Variants in PCDHGA1 observed in about 807,000 individuals in gnomAD.
PCDHGA1 encodes protocadherin gamma-A1.
A neutral mutation model predicts 58.0 loss-of-function variants in PCDHGA1; 32 were observed. That is an observed-to-expected ratio of 0.55 (90% confidence interval 0.42 to 0.74). The LOEUF (loss-of-function observed/expected upper bound fraction) is 0.74, where lower values mean the gene tolerates loss of function less well. Among genes scored for constraint, PCDHGA1 ranks in the 30% least tolerant of loss-of-function variants. PCDHGA1 has a pLI of 0.00. For synonymous variants in PCDHGA1, 498 were observed against 501.1 expected (o/e 0.99, Z 0.08); for missense variants, 1,205 against 1,182.3 (o/e 1.02, Z -0.28).
chr5:141,414,227 T>C (rs771676386), intron 1 of PCDHGA1: 2 of 1,613,430 alleles, frequency 1.2e-6, no homozygotes, highest in Non-Finnish European at 1.7e-6. Flanking sequence ...AGTCCAGAGC[T>C]GACCATCACG....
At position 141,486,720 on chromosome 5, in the gene PCDHGA1, C is replaced by G; in HGVS notation, c.2422-8087C>G. ...ATCTCTCTGAACCCCCAGACAGGAG[C>G]TGTTCATGCTACTCGATCCTTTGAC... On this transcript the variant is annotated intron_variant, in intron 1 of 3. Coordinates refer to ENST00000517417, the MANE Select transcript of PCDHGA1 (RefSeq NM_018912.3). This position sits in a 1 kb window ranked among gnomAD's most constrained non-coding sequence, Gnocchi z 5.0. The G allele has an allele frequency of 6.2e-7, 1 of 1,614,216 alleles. No homozygotes were observed. Among genetic ancestry groups the G allele is most frequent in the Non-Finnish European group, 8.5e-7 (1 of 1,180,038 alleles).
chr5:141,417,995 G>A (rs779307855), intron 1 of PCDHGA1: 74 of 1,613,786 alleles, frequency 4.6e-5, no homozygotes, highest in Admixed American at 1.7e-4. Flanking sequence ...CAAGGGCTCG[G>A]TGGTGGGGAA....
chr5:141,447,979 G>A (rs888759756), intron 1 of PCDHGA1, among the ~76,000 whole-genome samples: 15 of 151,814 alleles, frequency 9.9e-5, no homozygotes, highest in Admixed American at 5.9e-4. Context: ...CCAGCTACTC[G>A]GGAGGCTGAG....
In PCDHGA1 at chr5:141,365,348, G is replaced by A. The variant is rs770428432; in HGVS notation, c.2421+32243G>A. ...TAAGGTGGTGGTCACAGTACAGGAC[G>A]TGAATGACAATGCCCCCGAAGTGAT... On this transcript the variant is annotated intron_variant, in intron 1 of 3. Transcript: ENST00000517417. 4 of 1,613,954 alleles carry A rather than the reference G, an allele frequency of 2.5e-6. No homozygotes were observed. Among genetic ancestry groups the A allele is most frequent in the African/African-American group, 1.3e-5 (1 of 75,034 alleles).
chr5:141,385,560 T>C (rs920911668), intron 1 of PCDHGA1: 33 of 1,307,128 alleles, frequency 2.5e-5, no homozygotes, highest in Non-Finnish European at 3.0e-5. Context: ...ATTTTATAAT[T>C]TCCACCTACT....
chr5:141,461,480 G>A (rs1478939044), intron 1 of PCDHGA1, among the ~76,000 whole-genome samples: 1 of 151,970 alleles, frequency 6.6e-6, no homozygotes, highest in Non-Finnish European at 1.5e-5. Context: ...ACTTTTTAAT[G>A]GGATTGTGTT....
intron 1 of PCDHGA1, chr5:141,403,630 G>A (rs2094436948): frequency 3.1e-6 from 5 of 1,613,786 alleles, no homozygotes; most frequent in Middle Eastern, 3.3e-4. Flanking sequence ...CCAGCACAGT[G>A]CGCATCCATG....
In PCDHGA1 at chr5:141,491,801, G is replaced by C; in HGVS notation, c.2422-3006G>C. 1 of 1,500,844 alleles carries C rather than the reference G, an allele frequency of 6.7e-7. No individual in the cohort carries two copies. Among genetic ancestry groups the C allele is most frequent in the Non-Finnish European group, 8.9e-7 (1 of 1,125,292 alleles). The allele number at this position is 1,500,844 out of a possible 1,614,324, so 93.0% of individuals were successfully genotyped here. The stretch of plus-strand genomic sequence containing the variant: ...AACTTGCATCCACTCCTCTCCGGCC[G>C]GCTTGGTCGCTGGCTGCGCTCCACC... On this transcript the variant is annotated intron_variant, in intron 1 of 3. Coordinates refer to ENST00000517417, the MANE Select transcript of PCDHGA1 (RefSeq NM_018912.3). The surrounding 1 kb of genome is among the most constrained non-coding windows in gnomAD (Gnocchi z 6.9).
chr5:141,332,908 G>T lies in PCDHGA1; in HGVS notation c.2224G>T (p.Gly742Cys). Residue 742 changes from glycine to cysteine, a missense_variant, in exon 1 of 4, where the codon GGC becomes TGC. Physicochemically the swap from Gly to Cys is radical, Grantham distance 159. Coordinates refer to ENST00000517417, the MANE Select transcript of PCDHGA1 (RefSeq NM_018912.3). The surrounding 1 kb of genome is among the most constrained non-coding windows in gnomAD (Gnocchi z 4.6). ...LASMPGSHFV[G>C]VDGVRAFLQT... is the part of the protein sequence containing the mutation. ...GAGCATGCCCGGTTCGCACTTTGTGGGCGTGGACGGGGTTCGGGCTTTCCT... is the reference window on the plus strand; with the variant it reads ...GAGCATGCCCGGTTCGCACTTTGTGTGCGTGGACGGGGTTCGGGCTTTCCT... 1 of 1,614,214 alleles carries T rather than the reference G, an allele frequency of 6.2e-7. No individual in the cohort carries two copies. Among genetic ancestry groups the T allele is most frequent in the Middle Eastern group, 1.7e-4 (1 of 6,058 alleles).
At chr5:141,371,390 A>G in intron 1 of PCDHGA1, 1 of 1,614,000 alleles carries the variant, frequency 6.2e-7, no homozygotes, top group East Asian at 2.2e-5. Flanking sequence ...CATATTGTAA[A>G]GTACAGATAG....
chr5:141,419,894 C>T (rs1590201850), intron 1 of PCDHGA1: 2 of 1,613,926 alleles, frequency 1.2e-6, no homozygotes, highest in East Asian at 2.2e-5. Flanking sequence ...CAGCGACCAT[C>T]CCACACCCTC....
intron 1 of PCDHGA1, chr5:141,364,619 G>T (rs764798507): frequency 6.2e-6 from 10 of 1,614,152 alleles, no homozygotes; most frequent in Non-Finnish European, 8.5e-6. Context: ...GGAGCTCTGC[G>T]CTCAGAGCCC....
intron 3 of PCDHGA1, among the ~76,000 whole-genome samples, chr5:141,509,049 C>G (rs1384134813): frequency 3.3e-5 from 5 of 152,150 alleles, no homozygotes; most frequent in Non-Finnish European, 5.9e-5. Context: ...TCCCCCGCCC[C>G]CAGAAAGCTC....
At chr5:141,385,369 G>T in intron 1 of PCDHGA1, 1 of 1,532,174 alleles carries the variant, frequency 6.5e-7, no homozygotes, top group Admixed American at 2.2e-5. Context: ...TTATTTGCAT[G>T]ATATTTCTCT....
At position 141,485,184 on chromosome 5, in the gene PCDHGA1, A is replaced by G. The variant is rs1415940980; in HGVS notation, c.2422-9623A>G. ...TAGCGGGCGGCAGCAATGCTCCGCA[A>G]GGTGAGAAGCTGGACAGAAATCTGG... On this transcript the variant is annotated intron_variant, in intron 1 of 3. Transcript: ENST00000517417. This position sits in a 1 kb window ranked among gnomAD's most constrained non-coding sequence, Gnocchi z 5.7. The G allele has an allele frequency of 6.2e-7, 1 of 1,613,152 alleles. No individual in the cohort carries two copies. The highest frequency in any genetic ancestry group is 1.3e-5 in the African/African-American group (1 of 74,938).
intron 1 of PCDHGA1, chr5:141,346,041 G>A (rs1757686734): frequency 1.2e-6 from 2 of 1,613,522 alleles, no homozygotes; most frequent in Non-Finnish European, 1.7e-6. Flanking sequence ...CAGGATCCCC[G>A]ACATCCTGGC....
At position 141,460,338 on chromosome 5, in the gene PCDHGA1, T is replaced by C. The variant is rs1180912204; in HGVS notation, c.2422-34469T>C. Among the ~76,000 whole-genome samples, 4 of 152,222 alleles carry C rather than the reference T, an allele frequency of 2.6e-5. No homozygotes were observed. The East Asian group carries it at 7.7e-4, about 29-fold the overall frequency. On this transcript the variant is annotated intron_variant, in intron 1 of 3. Transcript: ENST00000517417. ...GCCTACTGAAAACTTATGATGATTT[T>C]CTCCTATATTTTCTTTTAGAAGTTT...
At chr5:141,385,582 G>T (rs1192405517) in intron 1 of PCDHGA1, 42 of 1,273,732 alleles carry the variant, frequency 3.3e-5, no homozygotes, top group Non-Finnish European at 4.1e-5. Context: ...TCCAATCTAT[G>T]TTCCAACCTA....
At chr5:141,362,732 A>G in intron 1 of PCDHGA1, 4 of 795,358 alleles carry the variant, frequency 5.0e-6, no homozygotes. Flanking sequence ...TGTGAGATTT[A>G]TTTACCCATG....
Sources: allele counts gnomAD v4.1 joint callset (sites outside exome capture counted in the v4.1 genomes callset), GRCh38; gene constraint gnomAD v4.1.1; non-coding constraint Gnocchi (gnomAD v3.1); transcripts MANE v1.5; gene names NCBI Gene and HGNC (gene_info 2026-07-23, HGNC 2026-07-21).